RBMS3: variants seen among roughly 807,000 people sequenced by gnomAD.
RBMS3 encodes RNA-binding motif, single-stranded-interacting protein 3.
RBMS3 carries 27 observed loss-of-function variants against 66.8 expected under a neutral mutation model. The ratio of observed to expected loss-of-function variants is 0.40; its 90% CI spans 0.30 to 0.56. The LOEUF (loss-of-function observed/expected upper bound fraction) is 0.56. Ranked by LOEUF, RBMS3 falls within the 20% of genes least tolerant of loss-of-function variation. The probability of loss-of-function intolerance (pLI) is 0.40; values close to 1 mark genes in which losing one functional copy is unlikely to be tolerated. For synonymous variants in RBMS3, 188 were observed against 183.0 expected (o/e 1.03, Z -0.22); for missense variants, 513 against 549.5 (o/e 0.93, Z 0.66).
At chr3:29,911,120 G>A (rs747667443) in intron 10 of RBMS3, among the ~76,000 whole-genome samples, 6 of 152,080 alleles carry the variant, frequency 3.9e-5, no homozygotes, top group Non-Finnish European at 7.4e-5. Flanking sequence ...AGAGGAATAA[G>A]AACAAGGCTT....
At chr3:29,810,382 A>G (rs926379022) in intron 6 of RBMS3, among the ~76,000 whole-genome samples, 7 of 152,168 alleles carry the variant, frequency 4.6e-5, no homozygotes, top group African/African-American at 1.7e-4. Context: ...TTTCTAATTA[A>G]TGGATGGTTG....
intron 3 of RBMS3, among the ~76,000 whole-genome samples, chr3:29,507,965 CAAGA>C (rs1460207696): frequency 2.0e-5 from 3 of 151,748 alleles, no homozygotes; most frequent in African/African-American, 7.3e-5. Flanking sequence ...TACTGAGATG[CAAGA>C]AAAACTCATT....
intron 1 of RBMS3, among the ~76,000 whole-genome samples, chr3:29,423,093 A>C (rs1422200046): frequency 6.6e-6 from 1 of 152,164 alleles, no homozygotes; most frequent in Non-Finnish European, 1.5e-5. Flanking sequence ...GACAGAAATA[A>C]AATTGGTAGC....
At chr3:29,355,557 AG>A (rs1475208912) in intron 1 of RBMS3, among the ~76,000 whole-genome samples, 1 of 149,600 alleles carries the variant, frequency 6.7e-6, no homozygotes, top group Admixed American at 6.7e-5. Context: ...ATATACAGCA[AG>A]AAAAAAAAAA....
intron 4 of RBMS3, among the ~76,000 whole-genome samples, chr3:29,731,235 C>T (rs2054120137): frequency 6.6e-6 from 1 of 152,202 alleles, no homozygotes; most frequent in Admixed American, 6.5e-5. Flanking sequence ...ACATGAACTC[C>T]AGTTGCTGAC....
intron 10 of RBMS3, among the ~76,000 whole-genome samples, chr3:29,913,191 T>C (rs912762127): frequency 6.6e-6 from 1 of 152,024 alleles, no homozygotes. Context: ...TAGAACTATT[T>C]GATGTGGACC....
intron 12 of RBMS3, among the ~76,000 whole-genome samples, chr3:29,978,456 G>C (rs534977933): frequency 1.8e-4 from 27 of 151,192 alleles, no homozygotes; most frequent in African/African-American, 6.3e-4. Flanking sequence ...CAAAAAAAAA[G>C]CAAGCAGAAA....
chr3:29,572,246 G>C (rs7616836), intron 3 of RBMS3, among the ~76,000 whole-genome samples: 50,214 of 151,690 alleles, frequency 0.33, 9,912 homozygotes, highest in African/African-American at 0.54. Context: ...TTCTTTCTTT[G>C]TCATTTGGAT....
intron 6 of RBMS3, among the ~76,000 whole-genome samples, chr3:29,791,143 T>A (rs1199873519): frequency 6.6e-6 from 1 of 152,224 alleles, no homozygotes. Flanking sequence ...TTTTTGTTTT[T>A]TAAAGAGGTT....
intron 4 of RBMS3, chr3:29,641,060 C>G (rs2049685618): frequency 6.6e-6 from 1 of 151,950 alleles, no homozygotes; most frequent in African/African-American, 2.4e-5. Context: ...AGAAAAATAA[C>G]TAGGAAAGAC....
Position 29,964,884 on chromosome 3 carries a change from C to G in RBMS3, c.1098+20630C>G, listed in dbSNP as rs184261898. Among the ~76,000 whole-genome samples, 226 of 152,218 alleles carry G rather than the reference C, an allele frequency of 1.5e-3. 1 individual carries two copies. Among genetic ancestry groups the G allele is most frequent in the African/African-American group, 5.1e-3 (211 of 41,540 alleles). On this transcript the variant is annotated intron_variant, in intron 12 of 14. Coordinates refer to ENST00000383767, the MANE Select transcript of RBMS3 (RefSeq NM_001003793.3). ...TTCCTCACTCCCCTCCCACTCTTCC[C>G]CCTTTGTCCCCAAAGTCAATTATAT...
At chr3:29,357,330 A>G (rs2037285636) in intron 1 of RBMS3, among the ~76,000 whole-genome samples, 1 of 152,070 alleles carries the variant, frequency 6.6e-6, no homozygotes. Flanking sequence ...TAGTTTGCTG[A>G]GAATGATGAT....
At chr3:29,454,056 A>T (rs2042098964) in intron 2 of RBMS3, among the ~76,000 whole-genome samples, 1 of 152,174 alleles carries the variant, frequency 6.6e-6, no homozygotes, top group Non-Finnish European at 1.5e-5. Context: ...AGTGGAAAAA[A>T]AATTTCTTCC....
intron 4 of RBMS3, among the ~76,000 whole-genome samples, chr3:29,709,518 G>C (rs2053063067): frequency 6.6e-6 from 1 of 152,182 alleles, no homozygotes; most frequent in Admixed American, 6.5e-5. Flanking sequence ...TTTGAGTTAT[G>C]TGTATGGCCT....
intron 3 of RBMS3, among the ~76,000 whole-genome samples, chr3:29,578,834 G>T (rs1175313473): frequency 9.4e-6 from 1 of 106,920 alleles, no homozygotes; most frequent in Non-Finnish European, 1.7e-5. Context: ...TCGCTCTGTC[G>T]CCCAGGTCGG....
chr3:29,471,218 C>T (rs1457154737), intron 2 of RBMS3, among the ~76,000 whole-genome samples: 1 of 152,092 alleles, frequency 6.6e-6, no homozygotes, highest in African/African-American at 2.4e-5. Context: ...CTGCATTTTC[C>T]AACTCTGAGT....
intron 7 of RBMS3, among the ~76,000 whole-genome samples, chr3:29,869,975 TTC>T (rs2059450844): frequency 6.6e-6 from 1 of 152,180 alleles, no homozygotes; most frequent in Non-Finnish European, 1.5e-5. Flanking sequence ...CAGTTTCTGT[TTC>T]TAAGACCATT....
At chr3:29,726,545 A>G (rs972587764) in intron 4 of RBMS3, among the ~76,000 whole-genome samples, 3 of 152,332 alleles carry the variant, frequency 2.0e-5, no homozygotes, top group East Asian at 3.9e-4. Context: ...AAAAATCACA[A>G]TCATTCTTAT....
intron 3 of RBMS3, among the ~76,000 whole-genome samples, chr3:29,549,059 G>GTTTTT (rs5847579): frequency 6.6e-4 from 56 of 85,318 alleles, no homozygotes; most frequent in East Asian, 1.5e-3. Flanking sequence ...TCCTACTTCT[G>GTTTTT]TTTTTTTTTT....
Sources: allele counts gnomAD v4.1 joint callset (sites outside exome capture counted in the v4.1 genomes callset), GRCh38; gene constraint gnomAD v4.1.1; transcripts MANE v1.5; gene names NCBI Gene and HGNC (gene_info 2026-07-23, HGNC 2026-07-21).